The following CHD7 variants were observed in gnomAD, a reference collection of about 807,000 sequenced individuals.
The protein encoded by CHD7 is ATP-dependent chromatin remodeler CHD7.
CHD7 carries 24 observed loss-of-function variants against 307.3 expected under a neutral mutation model. The observed-to-expected ratio is 0.08, with a 90% CI of 0.06 to 0.11. The LOEUF (loss-of-function observed/expected upper bound fraction) is 0.11. CHD7 is among the 10% of genes least tolerant of loss of function. CHD7 has a pLI of 1.00. For synonymous variants in CHD7, 1,363 were observed against 1,349.9 expected (o/e 1.01, Z -0.21); for missense variants, 3,106 against 3,727.1 (o/e 0.83, Z 4.34).
At chr8:60,753,058 T>C (rs1809713947) in intron 2 of CHD7, among the ~76,000 whole-genome samples, 1 of 152,216 alleles carries the variant, frequency 6.6e-6, no homozygotes, top group Non-Finnish European at 1.5e-5. Flanking sequence ...GCTGCTCAAA[T>C]ATGTCAGAGA....
At chr8:60,846,831 A>G (rs1359786911) in intron 23 of CHD7, among the ~76,000 whole-genome samples, 2 of 152,244 alleles carry the variant, frequency 1.3e-5, no homozygotes, top group Non-Finnish European at 2.9e-5. Context: ...ACCCTCAGCC[A>G]GTTAGGGGGC....
intron 2 of CHD7, among the ~76,000 whole-genome samples, chr8:60,752,798 AGTCT>A: frequency 6.6e-6 from 1 of 152,230 alleles, no homozygotes; most frequent in East Asian, 1.9e-4. Flanking sequence ...TTTAAAAACA[AGTCT>A]AGCATGAAGA....
chr8:60,780,904 AGAAT>A (rs1270238634), intron 2 of CHD7, 92 bp from the exon 3 acceptor site: 2 of 430,772 alleles, frequency 4.6e-6, no homozygotes, highest in East Asian at 1.1e-4. Context: ...ACCTGAGTAT[AGAAT>A]AAGTTTCAGA....
intron 33 of CHD7, 33 bp from the exon 34 acceptor site, chr8:60,856,412 C>A: frequency 6.4e-7 from 1 of 1,572,838 alleles, no homozygotes; most frequent in Non-Finnish European, 8.6e-7. Context: ...TTTTGGCTCA[C>A]TGCAACTCTG....
At chr8:60,766,086 C>T (rs1204495613) in intron 2 of CHD7, among the ~76,000 whole-genome samples, 2 of 152,236 alleles carry the variant, frequency 1.3e-5, no homozygotes, top group African/African-American at 4.8e-5. Context: ...GCTTATCATT[C>T]ACCTAGAACT....
At position 60,836,852 on chromosome 8, in the gene CHD7, G is replaced by A; in HGVS notation, c.4025G>A (p.Gly1342Asp). 1 of 1,613,770 alleles carries A rather than the reference G, an allele frequency of 6.2e-7. No homozygotes were observed. Among genetic ancestry groups the A allele is most frequent in the Non-Finnish European group, 8.5e-7 (1 of 1,179,756 alleles). Residue 1342 changes from glycine to aspartate, a missense_variant, in exon 17 of 38, where the codon GGC becomes GAC. Around this residue, in one of 10 missense-constraint regions of CHD7, gnomAD observed 232 missense variants for 422.5 expected, o/e 0.55. Coordinates refer to ENST00000423902, the MANE Select transcript of CHD7 (RefSeq NM_017780.4). ...PYERIDGRVR[G>D]NLRQAAIDRF... is the part of the protein sequence containing the mutation. ...GAAAGGATCGACGGCCGAGTAAGAGGCAACCTCCGCCAGGCAGCTATCGAC... is the reference window on the plus strand; with the variant it reads ...GAAAGGATCGACGGCCGAGTAAGAGACAACCTCCGCCAGGCAGCTATCGAC...
intron 7 of CHD7, among the ~76,000 whole-genome samples, chr8:60,811,925 G>A (rs893730367): frequency 2.6e-5 from 4 of 152,170 alleles, no homozygotes; most frequent in Non-Finnish European, 5.9e-5. Flanking sequence ...TTGTGAATAA[G>A]AACACCTTTT....
chr8:60,697,550 T>G (rs779789007), intron 1 of CHD7, among the ~76,000 whole-genome samples: 1 of 152,206 alleles, frequency 6.6e-6, no homozygotes, highest in Non-Finnish European at 1.5e-5. Flanking sequence ...ATCCAGAATA[T>G]ATGCAACTTC....
intron 1 of CHD7, among the ~76,000 whole-genome samples, chr8:60,695,256 G>C (rs1313833848): frequency 1.3e-5 from 2 of 152,322 alleles, no homozygotes; most frequent in East Asian, 3.9e-4. Context: ...ATAAAGGTCT[G>C]CAACTTACAG....
At chr8:60,708,265 A>T (rs1807110866) in intron 1 of CHD7, among the ~76,000 whole-genome samples, 1 of 152,094 alleles carries the variant, frequency 6.6e-6, no homozygotes, top group Admixed American at 6.5e-5. Context: ...TTTCTCCCCA[A>T]CCATTCTGCA....
Position 60,681,485 on chromosome 8 carries a change from A to G in CHD7, c.-175+2403A>G, listed in dbSNP as rs997434877. ...GACTTGGTTTGCCTTTCTAGGTGAT[A>G]AGTAGGAGACATTTTATGTCTTCCA... On this transcript the variant is annotated intron_variant, in intron 1 of 37. Transcript: ENST00000423902. Among the ~76,000 whole-genome samples the G allele has an allele frequency of 3.4e-4, 52 of 152,206 alleles. 1 individual carries two copies. The highest frequency in any genetic ancestry group is 1.0e-4 in the Non-Finnish European group (7 of 68,040).
chr8:60,807,140 T>G (rs1253256480), intron 6 of CHD7, among the ~76,000 whole-genome samples: 2 of 152,260 alleles, frequency 1.3e-5, no homozygotes, highest in African/African-American at 4.8e-5. Context: ...GACTAGTACC[T>G]TTGAACAGAT....
chr8:60,813,478 AT>A (rs1812906369), intron 7 of CHD7, among the ~76,000 whole-genome samples: 1 of 152,158 alleles, frequency 6.6e-6, no homozygotes, highest in Admixed American at 6.5e-5. Context: ...ATGCTTTCTG[AT>A]TTTTGTGGAA....
At chr8:60,806,928 G>A (rs1289704747) in intron 6 of CHD7, among the ~76,000 whole-genome samples, 4 of 152,176 alleles carry the variant, frequency 2.6e-5, no homozygotes, top group Non-Finnish European at 5.9e-5. Flanking sequence ...GGGTTGCTGA[G>A]GCAGGAGGAT....
At chr8:60,831,309 T>G (rs1452643591) in intron 15 of CHD7, among the ~76,000 whole-genome samples, 1 of 152,066 alleles carries the variant, frequency 6.6e-6, no homozygotes, top group African/African-American at 2.4e-5. Context: ...GAGATGGTCT[T>G]TTTAGGCAAG....
intron 1 of CHD7, among the ~76,000 whole-genome samples, chr8:60,728,994 AG>A (rs1808310224): frequency 1.3e-5 from 2 of 152,184 alleles, no homozygotes; most frequent in Non-Finnish European, 2.9e-5. Flanking sequence ...AGTAGACCCC[AG>A]TGTCAATAAC....
intron 14 of CHD7, among the ~76,000 whole-genome samples, chr8:60,829,023 G>A (rs1346529865): frequency 1.3e-5 from 2 of 152,138 alleles, no homozygotes; most frequent in Non-Finnish European, 2.9e-5. Flanking sequence ...GGGCTGTTGA[G>A]ATTTATAGAG....
rs1808054866 is a variant in CHD7, at chr8:60,724,134, TTATCTGGGGAGGTAGTTC to T, written c.-174-17124_-174-17107del. On this transcript the variant is annotated intron_variant, in intron 1 of 37. Transcript: ENST00000423902. ...AGGCATGACAGCAGGATTCCCTTCA[TTATCTGGGGAGGTAGTTC>T]GTCGGGGGTTTGCTCCACAGCCTTC... 2.0e-5 allele frequency among the ~76,000 whole-genome samples: 3 copies of T among 152,336 alleles called. No individual in the cohort carries two copies. The South Asian group carries it at 6.2e-4, about 32-fold the overall frequency.
Position 60,742,521 on chromosome 8 carries a change from C to G in CHD7, c.1089C>G (p.His363Gln). ...CAAACAGTGGTCAAGGACTAATGCACCAGCAGCCCATCCACCCCAGTGGCT... is the reference window on the plus strand; with the variant it reads ...CAAACAGTGGTCAAGGACTAATGCAGCAGCAGCCCATCCACCCCAGTGGCT... ...FPSNSGQGLM[H>Q]QQPIHPSGSL... Residue 363 changes from histidine (H) to glutamine (Q), a missense_variant, in exon 2 of 38, where the codon CAC (histidine) becomes CAG (glutamine). Around this residue, in one of 10 missense-constraint regions of CHD7, gnomAD observed 998 missense variants for 1,004.5 expected, o/e 0.99. Transcript: ENST00000423902. 1 of 1,613,992 alleles carries G rather than the reference C, an allele frequency of 6.2e-7. No individual in the cohort carries two copies. Among genetic ancestry groups the G allele is most frequent in the Non-Finnish European group, 8.5e-7 (1 of 1,179,894 alleles).
Sources: gnomAD v4.1 joint callset for allele counts (sites outside exome capture counted in the v4.1 genomes callset) on GRCh38, gnomAD v4.1.1 for gene constraint, gnomAD v4.1.1 regional missense constraint, MANE v1.5 for transcripts, NCBI Gene and HGNC (gene_info 2026-07-23, HGNC 2026-07-21) for gene names.